Variants in SPATA13 observed in about 807,000 individuals in gnomAD.
SPATA13 encodes spermatogenesis associated 13, also known as spermatogenesis-associated protein 13.
SPATA13 carries 50 observed loss-of-function variants against 104.0 expected under a neutral mutation model. The ratio of observed to expected loss-of-function variants is 0.48; its 90% CI spans 0.38 to 0.61. The LOEUF is 0.61. SPATA13 is among the 20% of genes least tolerant of loss of function. The pLI, the probability that SPATA13 is intolerant of heterozygous loss-of-function variation, is 0.00. For missense variants in SPATA13, 1,524 were observed against 1,690.6 expected, an observed-to-expected ratio of 0.90 and a Z score of 1.73; for synonymous variants, 606 against 667.5, an observed-to-expected ratio of 0.91 and a Z score of 1.42.
chr13:24,261,536 G>A (rs1196619163), intron 4 of SPATA13, among the ~76,000 whole-genome samples: 1 of 152,158 alleles, frequency 6.6e-6, no homozygotes, highest in Non-Finnish European at 1.5e-5. Context: ...ATGAGTGGGG[G>A]TAAAAATGAG....
chr13:24,174,749 G>C (rs1314053850), intron 1 of SPATA13, among the ~76,000 whole-genome samples: 1 of 151,938 alleles, frequency 6.6e-6, no homozygotes, highest in Non-Finnish European at 1.5e-5. Context: ...GCTAATATTT[G>C]AATTTTTTTA....
chr13:24,128,804 T>C (rs1251494153), intron 3 of SPATA13, among the ~76,000 whole-genome samples: 1 of 152,236 alleles, frequency 6.6e-6, no homozygotes, highest in African/African-American at 2.4e-5. Context: ...TTGCACTTAT[T>C]TGTAGAATAA....
intron 2 of SPATA13, among the ~76,000 whole-genome samples, chr13:24,243,389 C>T (rs1275988025): frequency 6.6e-6 from 1 of 152,168 alleles, no homozygotes; most frequent in African/African-American, 2.4e-5. Flanking sequence ...ATTCCCTGTC[C>T]CCTCCCTCCA....
At position 24,224,058 on chromosome 13, in the gene SPATA13, G is replaced by C. The variant is rs917513995; in HGVS notation, c.1129G>C (p.Gly377Arg). Residue 377 changes from glycine (G) to arginine (R), a missense_variant, in exon 2 of 13, where the codon GGG (glycine) becomes CGG (arginine). Coordinates refer to ENST00000382108, the MANE Select transcript of SPATA13 (RefSeq NM_001166271.3). ...CACTGAGCAGGACAGCAGGCGGGGC[G>C]GGGCGGTCATGCATGGGACCACTGC... is the stretch of plus-strand genomic sequence containing the variant. ...RSTEQDSRRG[G>R]AVMHGTTATC... 1 of 1,548,832 alleles carries C rather than the reference G, an allele frequency of 6.5e-7. No individual in the cohort carries two copies. Among genetic ancestry groups the C allele is most frequent in the Non-Finnish European group, 8.7e-7 (1 of 1,145,414 alleles).
At chr13:24,069,738 C>A (rs1879093300) in intron 3 of SPATA13, among the ~76,000 whole-genome samples, 1 of 152,208 alleles carries the variant, frequency 6.6e-6, no homozygotes, top group Non-Finnish European at 1.5e-5. Context: ...ATCCTGCCAA[C>A]AACTGTTCTT....
At chr13:24,197,992 G>GTGTGTT (rs1566145817) in intron 1 of SPATA13, among the ~76,000 whole-genome samples, 5 of 138,892 alleles carry the variant, frequency 3.6e-5, no homozygotes, top group African/African-American at 1.7e-4. Context: ...CTGTTACCTC[G>GTGTGTT]TGTTTGTTTG....
chr13:23,990,546 C>G (rs1448686197), intron 2 of SPATA13, among the ~76,000 whole-genome samples: 2 of 152,182 alleles, frequency 1.3e-5, no homozygotes, highest in Non-Finnish European at 2.9e-5. Flanking sequence ...CCAACCTGAG[C>G]AGCTCTATTC....
At position 24,016,534 on chromosome 13, in the gene SPATA13, C is replaced by G. The variant is rs377431841; in HGVS notation, c.-146-1133C>G. Among the ~76,000 whole-genome samples the G allele has an allele frequency of 1.1e-4, 17 of 152,292 alleles. No individual in the cohort carries two copies. In the East Asian group the frequency reaches 3.3e-3, roughly 29 times the overall value. On this transcript the variant is annotated intron_variant, in intron 2 of 14. Transcript: ENST00000424834. ...TAGGCTCAAAGGTGCCCTTCTTTGC[C>G]CACAGCCAAGCAGGGCCGCTGGGTT...
intron 1 of SPATA13, among the ~76,000 whole-genome samples, chr13:24,210,730 G>A (rs554609410): frequency 7.6e-5 from 11 of 143,846 alleles, no homozygotes; most frequent in Admixed American, 3.4e-4. Flanking sequence ...TGCTTTGTCC[G>A]TCTGGAATCT....
chr13:24,274,328 A>G (rs911925506), intron 4 of SPATA13, among the ~76,000 whole-genome samples: 4 of 152,218 alleles, frequency 2.6e-5, no homozygotes, highest in South Asian at 2.1e-4. Flanking sequence ...GAGCTTTTCA[A>G]AATAAATTCT....
intron 1 of SPATA13, among the ~76,000 whole-genome samples, chr13:24,191,274 C>T (rs1183742080): frequency 2.0e-5 from 3 of 151,950 alleles, no homozygotes; most frequent in Non-Finnish European, 4.4e-5. Flanking sequence ...TCTTGCCCAG[C>T]CATATTTTAA....
chr13:24,269,234 A>G (rs1874437118), intron 4 of SPATA13, among the ~76,000 whole-genome samples: 2 of 152,224 alleles, frequency 1.3e-5, no homozygotes, highest in Admixed American at 6.5e-5. Flanking sequence ...AGAGCTGCCT[A>G]GAGACTTGGA....
chr13:24,078,775 C>T (rs776740923), intron 3 of SPATA13, among the ~76,000 whole-genome samples: 1 of 152,210 alleles, frequency 6.6e-6, no homozygotes, highest in Non-Finnish European at 1.5e-5. Flanking sequence ...AGGCTGTTAT[C>T]CCAGTTGTGT....
At chr13:24,249,912 C>T in intron 3 of SPATA13, 70 bp downstream of exon 3, 1 of 1,511,310 alleles carries the variant, frequency 6.6e-7, no homozygotes, top group Non-Finnish European at 8.8e-7. Flanking sequence ...TCTGTCTGCA[C>T]ACTAAACTGG....
intron 2 of SPATA13, among the ~76,000 whole-genome samples, chr13:24,230,664 T>A (rs78976376): frequency 0.091 from 13,830 of 152,192 alleles, 803 homozygotes; most frequent in Non-Finnish European, 0.13. Flanking sequence ...AGGTGATGTG[T>A]GGACTTAACA....
chr13:24,107,961 T>A (rs1233355806), intron 3 of SPATA13, among the ~76,000 whole-genome samples: 1 of 152,262 alleles, frequency 6.6e-6, no homozygotes, highest in African/African-American at 2.4e-5. Flanking sequence ...TAGTACGATA[T>A]CACAAACTGG....
chr13:24,288,766 A>G (rs1255366818), intron 7 of SPATA13, among the ~76,000 whole-genome samples: 3 of 152,210 alleles, frequency 2.0e-5, no homozygotes, highest in East Asian at 1.9e-4. Context: ...TGGAAACATT[A>G]TATGGTTTAT....
intron 2 of SPATA13, chr13:24,224,823 A>G: frequency 3.4e-6 from 2 of 585,454 alleles, no homozygotes; most frequent in Non-Finnish European, 3.2e-6. Flanking sequence ...CATTTGCCAC[A>G]CCTTTCATTC....
intron 12 of SPATA13, among the ~76,000 whole-genome samples, chr13:24,302,055 G>A (rs1187635364): frequency 8.5e-5 from 13 of 152,128 alleles, no homozygotes; most frequent in Admixed American, 5.9e-4. Flanking sequence ...CTTCCATTTA[G>A]AGCATTTTAT....
Sources: allele counts gnomAD v4.1 joint callset (sites outside exome capture counted in the v4.1 genomes callset), GRCh38; gene constraint gnomAD v4.1.1; transcripts MANE v1.5; gene names NCBI Gene and HGNC (gene_info 2026-07-23, HGNC 2026-07-21).